The following STK32A variants were observed in gnomAD, a reference collection of about 807,000 sequenced individuals.
STK32A encodes serine/threonine kinase 32A.
A neutral mutation model predicts 53.2 loss-of-function variants in STK32A; 41 were observed. The ratio of observed to expected loss-of-function variants is 0.77; its 90% CI spans 0.60 to 1.00. The LOEUF (loss-of-function observed/expected upper bound fraction) is 1.00, where lower values mean the gene tolerates loss of function less well. STK32A is among the 50% of genes least tolerant of loss of function. STK32A has a pLI of 0.00. For missense variants in STK32A, 458 were observed against 485.8 expected (o/e 0.94, Z 0.54); for synonymous variants, 166 against 162.8 (o/e 1.02, Z -0.15).
chr5:147,399,119 T>C, the STK32A span: 4 of 1,614,214 alleles, frequency 2.5e-6, no homozygotes, highest in Non-Finnish European at 3.4e-6. Flanking sequence ...CTTCACAGCA[T>C]CTGGATCCCA....
the STK32A span, chr5:147,393,939 C>T: frequency 6.4e-6 from 8 of 1,247,616 alleles, no homozygotes; most frequent in East Asian, 1.4e-4. Flanking sequence ...AGATCACAAC[C>T]GTTTGGATTC....
rs1325085456 is a variant in STK32A, at chr5:147,375,095, C to T, written c.909C>T (p.Gly303=). 1 of 1,601,122 alleles carries T rather than the reference C, an allele frequency of 6.2e-7. No homozygotes were observed. Among genetic ancestry groups the T allele is most frequent in the Admixed American group, 1.7e-5 (1 of 57,274 alleles). ...RLIPGFIPNK[G]RLNCDPTFEL... ...GCCAACTGTCTTCCTTGCAGAAAGG[C>T]AGGCTGAATTGTGATCCTACCTTTG... is the stretch of plus-strand genomic sequence containing the variant. The change falls in exon 11 of 13, where the codon GGC becomes GGT. Residue 303 remains glycine (G), a synonymous_variant. Coordinates refer to ENST00000397936, the MANE Select transcript of STK32A (RefSeq NM_001112724.2).
chr5:147,372,187 A>G (rs919335368), intron 9 of STK32A, among the ~76,000 whole-genome samples: 4 of 151,626 alleles, frequency 2.6e-5, no homozygotes, highest in Non-Finnish European at 5.9e-5. Flanking sequence ...CAGATGAAGA[A>G]CAGTTATAGC....
At chr5:147,395,117 A>T in the STK32A span, among the ~76,000 whole-genome samples, 1 of 152,252 alleles carries the variant, frequency 6.6e-6, no homozygotes, top group Non-Finnish European at 1.5e-5. Flanking sequence ...TAGGAATGGG[A>T]GAATATAATA....
chr5:147,363,621 C>T (rs997212339), intron 8 of STK32A, among the ~76,000 whole-genome samples: 1 of 152,182 alleles, frequency 6.6e-6, no homozygotes, highest in East Asian at 1.9e-4. Context: ...GCATTACGGT[C>T]CCAGCCTGTA....
At chr5:147,308,710 G>A (rs1267419650) in intron 4 of STK32A, among the ~76,000 whole-genome samples, 1 of 147,366 alleles carries the variant, frequency 6.8e-6, no homozygotes, top group Non-Finnish European at 1.5e-5. Context: ...TTTCTTTTCT[G>A]TCCTAAGTCA....
chr5:147,237,274 C>G (rs1180965807), intron 1 of STK32A, among the ~76,000 whole-genome samples: 3 of 151,904 alleles, frequency 2.0e-5, no homozygotes, highest in Non-Finnish European at 4.4e-5. Context: ...GATGGTGCCA[C>G]TGCACTCCAG....
chr5:147,367,279 T>G (rs1581144280), intron 8 of STK32A, among the ~76,000 whole-genome samples: 2 of 152,274 alleles, frequency 1.3e-5, no homozygotes, highest in Non-Finnish European at 2.9e-5. Flanking sequence ...TTGCCCAGGC[T>G]AGTCTTGAAC....
intron 5 of STK32A, 114 bp downstream of exon 5, chr5:147,324,185 A>T: frequency 9.1e-7 from 1 of 1,104,694 alleles, no homozygotes; most frequent in Non-Finnish European, 1.3e-6. Flanking sequence ...TTAATTCTTG[A>T]AACAGTACCC....
At chr5:147,259,754 T>C (rs10054226) in intron 2 of STK32A, among the ~76,000 whole-genome samples, 9,568 of 152,026 alleles carry the variant, frequency 0.063, 1,054 homozygotes, top group African/African-American at 0.22. Flanking sequence ...GCTCTGCCTC[T>C]CTTTCTCTCT....
At chr5:147,280,943 A>G (rs1290606270) in intron 4 of STK32A, among the ~76,000 whole-genome samples, 1 of 152,176 alleles carries the variant, frequency 6.6e-6, no homozygotes, top group Non-Finnish European at 1.5e-5. Flanking sequence ...AGACTCATAG[A>G]TGGTTCACAT....
At chr5:147,350,040 G>T (rs953170283) in intron 6 of STK32A, among the ~76,000 whole-genome samples, 1 of 151,912 alleles carries the variant, frequency 6.6e-6, no homozygotes, top group East Asian at 2.0e-4. Flanking sequence ...GAACCCGGGA[G>T]GCGGAGATTG....
chr5:147,325,962 C>G (rs563801991), intron 5 of STK32A, among the ~76,000 whole-genome samples: 1 of 152,148 alleles, frequency 6.6e-6, no homozygotes, highest in African/African-American at 2.4e-5. Flanking sequence ...AGCCTTTTCA[C>G]TCTCTCTCCT....
At chr5:147,309,727 G>T (rs1217181030) in intron 4 of STK32A, among the ~76,000 whole-genome samples, 1 of 152,124 alleles carries the variant, frequency 6.6e-6, no homozygotes, top group Non-Finnish European at 1.5e-5. Flanking sequence ...TTGAGGTGCT[G>T]TACTAATATA....
At chr5:147,299,779 G>T (rs906876371) in intron 4 of STK32A, among the ~76,000 whole-genome samples, 1 of 152,258 alleles carries the variant, frequency 6.6e-6, no homozygotes, top group Non-Finnish European at 1.5e-5. Context: ...TAACTTGTTC[G>T]CCAAAAATTT....
intron 2 of STK32A, among the ~76,000 whole-genome samples, chr5:147,272,850 T>C (rs918781333): frequency 5.9e-5 from 9 of 152,216 alleles, no homozygotes; most frequent in African/African-American, 1.2e-4. Context: ...ATTTGAAAGA[T>C]TGAGTAACTA....
At chr5:147,351,271 G>A (rs913823645) in intron 7 of STK32A, 117 bp downstream of exon 7, 1 of 824,534 alleles carries the variant, frequency 1.2e-6, no homozygotes. Flanking sequence ...GACTTTACCT[G>A]TGGAGCTTCT....
At chr5:147,296,725 T>C (rs998258944) in intron 4 of STK32A, among the ~76,000 whole-genome samples, 1 of 152,050 alleles carries the variant, frequency 6.6e-6, no homozygotes, top group Non-Finnish European at 1.5e-5. Flanking sequence ...CAAATATTAT[T>C]TGAGAGAGAC....
At chr5:147,290,639 C>T (rs1181913682) in intron 4 of STK32A, among the ~76,000 whole-genome samples, 1 of 152,118 alleles carries the variant, frequency 6.6e-6, no homozygotes, top group Non-Finnish European at 1.5e-5. Context: ...AGAAGGGGTC[C>T]ACATGTGGTT....
Sources: allele counts gnomAD v4.1 joint callset (sites outside exome capture counted in the v4.1 genomes callset), GRCh38; gene constraint gnomAD v4.1.1; transcripts MANE v1.5; gene names NCBI Gene and HGNC (gene_info 2026-07-23, HGNC 2026-07-21).